ZNF273: variants seen among roughly 807,000 people sequenced by gnomAD.
ZNF273 encodes zinc finger protein 9.
Under a neutral mutation model 14.9 loss-of-function variants are expected in ZNF273, and 11 were observed. The ratio of observed to expected loss-of-function variants is 0.74; its 90% CI spans 0.46 to 1.22. ZNF273 has a LOEUF of 1.22. Ranked by LOEUF, ZNF273 falls within the 50% of genes most tolerant of loss-of-function variation. The pLI is 0.00. For missense variants in ZNF273, 577 were observed against 660.6 expected (o/e 0.87, Z 1.39); for synonymous variants, 199 against 223.9 (o/e 0.89, Z 0.99).
chr7:64,921,605 CTTTTTTTTTTTTTT>C (rs752363426), intron 3 of ZNF273, among the ~76,000 whole-genome samples: 8 of 57,968 alleles, frequency 1.4e-4, no homozygotes, highest in South Asian at 7.2e-4. Context: ...CATGCTAATG[CTTTTTTTTTTTTTT>C]TTTTTTTTTT....
chr7:64,917,874 C>T (rs953165537), intron 2 of ZNF273, among the ~76,000 whole-genome samples, 167 bp downstream of exon 2: 3 of 152,068 alleles, frequency 2.0e-5, no homozygotes, highest in Non-Finnish European at 2.9e-5. Flanking sequence ...TTCATCTTGA[C>T]TTGAACTTTC....
chr7:64,900,779 G>A (rs1317578960), upstream of ZNF273, among the ~76,000 whole-genome samples: 1 of 152,140 alleles, frequency 6.6e-6, no homozygotes, highest in Non-Finnish European at 1.5e-5. Context: ...CATACCCTAT[G>A]TACATCAGAC....
At chr7:64,910,255 A>G (rs766336921) in intron 1 of ZNF273, among the ~76,000 whole-genome samples, 3 of 151,978 alleles carry the variant, frequency 2.0e-5, no homozygotes, top group African/African-American at 7.3e-5. Context: ...GCCAGTTCCT[A>G]TATCTAGAAT....
Position 64,917,706 on chromosome 7 carries a change from G to C in ZNF273, c.228G>C (p.Leu76=). 6.3e-7 allele frequency: 1 copy of C among 1,584,972 alleles called. No individual in the cohort carries two copies. Among genetic ancestry groups the C allele is most frequent in the South Asian group, 1.1e-5 (1 of 89,202 alleles). ...ATAACTACAGAAACCTGGTCTTCCT[G>C]GGTGAGGATAATTTTAATACATAAT... is the stretch of plus-strand genomic sequence containing the variant. ...MLDNYRNLVF[L]GIAVSKPDLI... The change falls in exon 2 of 4, where the codon CTG becomes CTC. Residue 76 remains leucine, a splice_region_variant and synonymous_variant. Coordinates refer to ENST00000476120, the MANE Select transcript of ZNF273 (RefSeq NM_021148.3).
At chr7:64,919,651 G>C (rs895939257) in intron 3 of ZNF273, among the ~76,000 whole-genome samples, 1 of 151,998 alleles carries the variant, frequency 6.6e-6, no homozygotes, top group African/African-American at 2.4e-5. Context: ...TTACCTGCTT[G>C]GTTAAATTTC....
upstream of ZNF273, among the ~76,000 whole-genome samples, chr7:64,901,948 C>T (rs184439766): frequency 8.9e-4 from 132 of 149,128 alleles, no homozygotes; most frequent in South Asian, 1.9e-3. Flanking sequence ...GCTTCGGGCG[C>T]GGTGGCTCAC....
chr7:64,895,723 A>T (rs1792327568), intron 3 of ZNF273, among the ~76,000 whole-genome samples: 1 of 152,236 alleles, frequency 6.6e-6, no homozygotes, highest in Non-Finnish European at 1.5e-5. Flanking sequence ...GAGGTTATAA[A>T]TACATCCATA....
chr7:64,884,827 G>A (rs1249533446), intron 1 of ZNF273, among the ~76,000 whole-genome samples: 4 of 152,204 alleles, frequency 2.6e-5, no homozygotes, highest in Admixed American at 6.5e-5. Context: ...AGCGGGACCC[G>A]ACTAATGAGA....
chr7:64,900,597 TGAA>T (rs1792645165), upstream of ZNF273, among the ~76,000 whole-genome samples: 6 of 152,064 alleles, frequency 3.9e-5, no homozygotes, highest in Admixed American at 3.9e-4. Context: ...TCCTCACCAT[TGAA>T]CGTTAAAGAA....
downstream of ZNF273, chr7:64,890,189 G>GGTGTGTGTGTGTGTGTGTGTGTGTGT (rs373641951): frequency 2.3e-5 from 2 of 87,992 alleles, no homozygotes; most frequent in African/African-American, 7.8e-5. Flanking sequence ...GCAGGTTAGG[G>GGTGTGTGTGTGTGTGTGTGTGTGTGT]GTGTGTGTGT....
chr7:64,936,364 A>G, the ZNF273 span, among the ~76,000 whole-genome samples: 16 of 152,316 alleles, frequency 1.1e-4, no homozygotes, highest in East Asian at 2.7e-3. Context: ...CAGCATTTCC[A>G]TGCAATGTGG....
At chr7:64,888,017 C>G (rs549897008) in intron 1 of ZNF273, among the ~76,000 whole-genome samples, 1 of 152,092 alleles carries the variant, frequency 6.6e-6, no homozygotes, top group Non-Finnish European at 1.5e-5. Flanking sequence ...ACTCCCCCAT[C>G]CCTGAGAAGT....
downstream of ZNF273, among the ~76,000 whole-genome samples, chr7:64,893,189 A>T (rs546560216): frequency 6.6e-6 from 1 of 152,058 alleles, no homozygotes; most frequent in East Asian, 1.9e-4. Context: ...TCTGTCAAAT[A>T]TTTTTTTTCT....
intron 1 of ZNF273, chr7:64,916,989 A>G (rs1279454000): frequency 7.9e-7 from 1 of 1,262,150 alleles, no homozygotes. Context: ...CTTTGTATAT[A>G]TTTGTCTTTG....
rs374475991 is a variant in ZNF273 at position 64,927,804 on chromosome 7, A to G, written c.476A>G (p.His159Arg). ...GCKSADEHKV[H>R]KRGYNGLNQC... ...AAAAGTGCGGATGAGCATAAGGTGC[A>G]CAAAAGAGGTTATAATGGACTTAAC... The change falls in exon 4 of 4, where the codon CAC becomes CGC. Residue 159 changes from histidine to arginine, a missense_variant. Around this residue, in one of 3 missense-constraint regions of ZNF273, gnomAD observed 162 missense variants for 203.5 expected, o/e 0.80. Coordinates refer to ENST00000476120, the MANE Select transcript of ZNF273 (RefSeq NM_021148.3). 6.2e-7 allele frequency: 1 copy of G among 1,613,912 alleles called. No homozygotes were observed. The highest frequency in any genetic ancestry group is 1.3e-5 in the African/African-American group (1 of 74,932).
At chr7:64,898,210 A>T (rs183462395) in intron 4 of ZNF273, among the ~76,000 whole-genome samples, 1 of 152,328 alleles carries the variant, frequency 6.6e-6, no homozygotes, top group East Asian at 1.9e-4. Flanking sequence ...ACTTTTTATT[A>T]AAAATAGTAT....
intron 3 of ZNF273, among the ~76,000 whole-genome samples, chr7:64,921,637 TG>T (rs1794469965): frequency 6.8e-5 from 2 of 29,574 alleles, no homozygotes; most frequent in African/African-American, 3.1e-4. Flanking sequence ...TTTTTTTTTT[TG>T]TGTGTGAGAC....
Position 64,929,220 on chromosome 7 carries a change from C to T in ZNF273, c.*182C>T, listed in dbSNP as rs1336078715. The T allele has an allele frequency of 3.5e-5, 6 of 173,300 alleles. No homozygotes were observed. Among genetic ancestry groups the T allele is most frequent in the Non-Finnish European group, 6.2e-5 (6 of 97,396 alleles). The allele number at this position is 173,300 out of a possible 1,614,324, so 10.7% of individuals were successfully genotyped here. ...TTAATATCTGCTCATATCTTAACAT[C>T]AGCGAGTTGGTATTTAATAAAAGCA... On this transcript the variant is annotated 3_prime_UTR_variant, in exon 4 of 4. Transcript: ENST00000476120.
intron 1 of ZNF273, 46 bp downstream of exon 1, chr7:64,903,465 T>C: frequency 2.6e-6 from 4 of 1,553,642 alleles, no homozygotes; most frequent in Non-Finnish European, 3.6e-6. Context: ...GAGGGCCTGG[T>C]TGGAACTGGT....
Sources: allele counts gnomAD v4.1 joint callset (sites outside exome capture counted in the v4.1 genomes callset), GRCh38; gene constraint gnomAD v4.1.1; regional missense constraint gnomAD v4.1.1; transcripts MANE v1.5; gene names NCBI Gene and HGNC (gene_info 2026-07-23, HGNC 2026-07-21).